The following MKKS variants were observed in gnomAD, a reference collection of about 807,000 sequenced individuals.
The protein encoded by MKKS is molecular chaperone MKKS.
In MKKS, 29 loss-of-function variants were observed where a neutral mutation model predicts 33.2. The observed-to-expected ratio is 0.87, with a 90% CI of 0.65 to 1.19. MKKS has a LOEUF of 1.19. MKKS is among the 50% of genes most tolerant of loss of function. MKKS has a pLI of 0.00. For missense variants in MKKS, 661 were observed against 662.3 expected (o/e 1.00, Z 0.02); for synonymous variants, 260 against 244.0 (o/e 1.07, Z -0.61).
intron 2 of MKKS, among the ~76,000 whole-genome samples, chr20:10,417,888 C>G (rs2064951874): frequency 6.6e-6 from 1 of 151,968 alleles, no homozygotes; most frequent in Admixed American, 6.6e-5. Flanking sequence ...GATGAGGAAG[C>G]AATCAGCCAA....
intron 1 of MKKS, among the ~76,000 whole-genome samples, chr20:10,424,800 C>T (rs2065004307): frequency 6.6e-6 from 1 of 151,838 alleles, no homozygotes; most frequent in Non-Finnish European, 1.5e-5. Context: ...GCCTGTAATC[C>T]CAGCACTTTG....
At chr20:10,428,525 G>T (rs1378540470) in intron 1 of MKKS, among the ~76,000 whole-genome samples, 2 of 152,144 alleles carry the variant, frequency 1.3e-5, no homozygotes, top group Non-Finnish European at 2.9e-5. Flanking sequence ...GTCCCCTTAT[G>T]TGCACCTTAG....
chr20:10,431,465 C>T (rs1006631117), intron 1 of MKKS, among the ~76,000 whole-genome samples: 2 of 151,976 alleles, frequency 1.3e-5, no homozygotes, highest in African/African-American at 2.4e-5. Flanking sequence ...AAGGAGAATA[C>T]AGGTTTGAGA....
intron 1 of MKKS, among the ~76,000 whole-genome samples, chr20:10,430,460 G>C (rs6039925): frequency 9.2e-5 from 14 of 152,166 alleles, no homozygotes; most frequent in African/African-American, 2.9e-4. Flanking sequence ...TTATTATTTT[G>C]ATTATGTCAA....
At chr20:10,419,685 G>A (rs559179323) in intron 2 of MKKS, among the ~76,000 whole-genome samples, 7 of 152,260 alleles carry the variant, frequency 4.6e-5, no homozygotes, top group Admixed American at 6.5e-5. Flanking sequence ...ACATAAGCGC[G>A]GAGATACCAC....
rs2064916467 is a variant in MKKS, at chr20:10,413,832, A to G, written c.-318T>C. The G allele has an allele frequency of 2.1e-6, 1 of 468,550 alleles. No individual in the cohort carries two copies. The highest frequency in any genetic ancestry group is 3.8e-6 in the Non-Finnish European group (1 of 266,276). The allele number at this position is 468,550 out of a possible 1,614,324, so 29.0% of individuals were successfully genotyped here. ...GTATGTTCCAAGATGGACACCTATG[A>G]AAGATATCCCAGCTACAAGAAGCCA... On this transcript the variant is annotated 5_prime_UTR_variant, in exon 3 of 6. Transcript: ENST00000347364.
chr20:10,405,615 C>A lies in MKKS; in HGVS notation c.1345G>T (p.Ala449Ser), dbSNP rs1481910059. 1 of 1,614,018 alleles carries A rather than the reference C, an allele frequency of 6.2e-7. No homozygotes were observed. The highest frequency in any genetic ancestry group is 8.5e-7 in the Non-Finnish European group (1 of 1,180,004). ...TQTELQLIAE[A>S]FCSALESVVG... Reference sequence around the variant, plus strand: ...ACAGATTCTAGGGCACTGCAAAATGCTTCAGCAATTAATTGAAGTTCTGTT... The same window carrying A: ...ACAGATTCTAGGGCACTGCAAAATGATTCAGCAATTAATTGAAGTTCTGTT... The change falls in exon 6 of 6, where the codon GCA becomes TCA. Residue 449 changes from alanine (A) to serine (S), a missense_variant. Transcript: ENST00000347364.
Position 10,412,867 on chromosome 20 carries a change from A to T in MKKS, c.648T>A (p.Pro216=), listed in dbSNP as rs2064902182. 9 of 1,614,162 alleles carry T rather than the reference A, an allele frequency of 5.6e-6. No homozygotes were observed. In the East Asian group the frequency reaches 2.0e-4, roughly 36 times the overall value. Residue 216 remains proline, a synonymous_variant, in exon 3 of 6, where the codon CCT becomes CCA. Transcript: ENST00000347364. ...GQRVIDSTVL[P]GILIEMSEVQ... ...CTTCTGACATTTCAATGAGTATCCC[A>T]GGTAATACAGTGGAATCTATAACTC...
At chr20:10,427,327 CT>C (rs1220141279) in intron 1 of MKKS, among the ~76,000 whole-genome samples, 2 of 152,040 alleles carry the variant, frequency 1.3e-5, no homozygotes, top group East Asian at 3.9e-4. Flanking sequence ...AAAACGGATT[CT>C]TTTTGGTCTT....
chr20:10,425,121 A>G (rs929654470), intron 1 of MKKS, among the ~76,000 whole-genome samples: 2 of 152,148 alleles, frequency 1.3e-5, no homozygotes, highest in Admixed American at 6.5e-5. Context: ...GTATAGTATA[A>G]CCTTACTTTT....
At chr20:10,409,469 A>T (rs1024996818) in intron 3 of MKKS, among the ~76,000 whole-genome samples, 1 of 152,216 alleles carries the variant, frequency 6.6e-6, no homozygotes, top group Admixed American at 6.5e-5. Flanking sequence ...AAATATGAAT[A>T]AAGAAGTTAG....
Position 10,412,972 on chromosome 20 carries a change from G to C in MKKS, c.543C>G (p.Ala181=), listed in dbSNP as rs1275619998. 6.2e-7 allele frequency: 1 copy of C among 1,613,814 alleles called. No individual in the cohort carries two copies. Among genetic ancestry groups the C allele is most frequent in the African/African-American group, 1.3e-5 (1 of 74,892 alleles). The stretch of plus-strand genomic sequence containing the variant: ...CATTTTCTGGAATTGTAAGCAAAAA[G>C]GCTCTCAGGATCAAAGCACTGACAT... ...TEHVSALILR[A]FLLTIPENAE... Residue 181 remains alanine, a synonymous_variant, in exon 3 of 6, where the codon GCC becomes GCG. Coordinates refer to ENST00000347364, the MANE Select transcript of MKKS (RefSeq NM_170784.3).
intron 1 of MKKS, among the ~76,000 whole-genome samples, chr20:10,422,912 C>G (rs1208426175): frequency 2.6e-5 from 4 of 151,862 alleles, no homozygotes; most frequent in African/African-American, 9.7e-5. Flanking sequence ...AGGGTTTCAC[C>G]GTGTTAGCCA....
chr20:10,433,673 C>G (rs2065072234), intron 1 of MKKS, among the ~76,000 whole-genome samples: 1 of 152,168 alleles, frequency 6.6e-6, no homozygotes, highest in Non-Finnish European at 1.5e-5. Flanking sequence ...TGCACAACGT[C>G]TCTAACGCCG....
At chr20:10,419,462 AG>A (rs1379286030) in intron 2 of MKKS, among the ~76,000 whole-genome samples, 1 of 152,232 alleles carries the variant, frequency 6.6e-6, no homozygotes, top group Non-Finnish European at 1.5e-5. Context: ...TTTCATATTA[AG>A]TGGAATAAAA....
rs184707925 is a variant in MKKS at position 10,401,494 on chromosome 20, C to T, written c.*3753G>A. 1 of 152,246 alleles carries T rather than the reference C, an allele frequency of 6.6e-6. No homozygotes were observed. The highest frequency in any genetic ancestry group is 1.9e-4 in the East Asian group (1 of 5,186). The allele number at this position is 152,246 out of a possible 1,614,324, so 9.4% of individuals were successfully genotyped here. A position where few individuals can be genotyped will look rare whatever the true frequency, so the allele number is the denominator to read the frequency against. Reference sequence around the variant, plus strand: ...CAGGGCCTTGTAGGAGATGTTTAGTCTCTTTGACTATTCCCCAAAGATTAT... The same window carrying T: ...CAGGGCCTTGTAGGAGATGTTTAGTTTCTTTGACTATTCCCCAAAGATTAT... On this transcript the variant is annotated 3_prime_UTR_variant, in exon 6 of 6. Transcript: ENST00000347364.
At chr20:10,426,241 C>T (rs544344297) in intron 1 of MKKS, among the ~76,000 whole-genome samples, 1 of 152,324 alleles carries the variant, frequency 6.6e-6, no homozygotes, top group East Asian at 1.9e-4. Flanking sequence ...GCCTAGTACT[C>T]TACTAAGCAA....
At position 10,404,236 on chromosome 20, in the gene MKKS, G is replaced by T. The variant is rs1261294268; in HGVS notation, c.*1011C>A. On this transcript the variant is annotated 3_prime_UTR_variant, in exon 6 of 6. Transcript: ENST00000347364. ...TTTCTACTTTCTTTTTCATACTATTGACTAGAGAAATAACTTCCCCTTCCC... is the reference window on the plus strand; with the variant it reads ...TTTCTACTTTCTTTTTCATACTATTTACTAGAGAAATAACTTCCCCTTCCC... The T allele has an allele frequency of 6.7e-6, 1 of 150,166 alleles. No individual in the cohort carries two copies. The highest frequency in any genetic ancestry group is 2.5e-5 in the African/African-American group (1 of 40,546). 9.3% of individuals were successfully genotyped at this position (150,166 alleles called of 1,614,324 possible).
At chr20:10,417,640 T>C (rs367826037) in intron 2 of MKKS, among the ~76,000 whole-genome samples, 64 of 149,726 alleles carry the variant, frequency 4.3e-4, no homozygotes, top group African/African-American at 1.5e-3. Context: ...AGCTATGATA[T>C]GCTACTGCTA....
Sources: gnomAD v4.1 joint callset for allele counts (sites outside exome capture counted in the v4.1 genomes callset) on GRCh38, gnomAD v4.1.1 for gene constraint, MANE v1.5 for transcripts, NCBI Gene and HGNC (gene_info 2026-07-23, HGNC 2026-07-21) for gene names.